ROBO2: variants seen among roughly 807,000 people sequenced by gnomAD.
The protein encoded by ROBO2 is roundabout guidance receptor 2, also known as roundabout homolog 2.
Under a neutral mutation model 160.8 loss-of-function variants are expected in ROBO2, and 53 were observed. That is an observed-to-expected ratio of 0.33 (90% CI 0.26 to 0.41). ROBO2 has a LOEUF of 0.41. ROBO2 is among the 10% of genes least tolerant of loss of function. ROBO2 has a pLI of 1.00. For missense variants in ROBO2, 1,577 were observed against 1,722.4 expected (o/e 0.92, Z 1.49); for synonymous variants, 664 against 611.7 (o/e 1.09, Z -1.26).
intron 2 of ROBO2, among the ~76,000 whole-genome samples, chr3:76,010,970 AC>A (rs1451881272): frequency 6.6e-6 from 1 of 152,122 alleles, no homozygotes; most frequent in Non-Finnish European, 1.5e-5. Flanking sequence ...AAAAGAGAAG[AC>A]CCCCAGAGCT....
At chr3:77,490,301 A>G (rs935508193) in intron 4 of ROBO2, among the ~76,000 whole-genome samples, 2 of 151,970 alleles carry the variant, frequency 1.3e-5, no homozygotes, top group Non-Finnish European at 2.9e-5. Flanking sequence ...CGTGTTAGCC[A>G]GGATGGTCTC....
chr3:76,236,388 G>A (rs192480073), intron 2 of ROBO2, among the ~76,000 whole-genome samples: 11 of 152,154 alleles, frequency 7.2e-5, no homozygotes, highest in Non-Finnish European at 1.3e-4. Flanking sequence ...GTATAAAAAT[G>A]TATCTCTAAA....
chr3:77,288,900 T>C (rs1384673576), intron 2 of ROBO2, among the ~76,000 whole-genome samples: 1 of 151,134 alleles, frequency 6.6e-6, no homozygotes, highest in Non-Finnish European at 1.5e-5. Flanking sequence ...AAAATTATCA[T>C]TGAAAGTTAG....
At chr3:77,231,543 C>T (rs1184343218) in intron 2 of ROBO2, among the ~76,000 whole-genome samples, 1 of 152,004 alleles carries the variant, frequency 6.6e-6, no homozygotes, top group Non-Finnish European at 1.5e-5. Flanking sequence ...TTTAAAACCT[C>T]ACCTCCTACT....
At chr3:77,300,062 T>G (rs926681934) in intron 2 of ROBO2, among the ~76,000 whole-genome samples, 2 of 152,194 alleles carry the variant, frequency 1.3e-5, no homozygotes, top group East Asian at 3.9e-4. Flanking sequence ...ATATATTGTA[T>G]ATGTACAACA....
chr3:76,028,210 C>A (rs989954357), intron 2 of ROBO2, among the ~76,000 whole-genome samples: 1 of 150,258 alleles, frequency 6.7e-6, no homozygotes. Flanking sequence ...AAAATACATG[C>A]TATAGAATTA....
chr3:75,948,275 TTAAAAA>T (rs1445339809), intron 2 of ROBO2, among the ~76,000 whole-genome samples: 1 of 152,034 alleles, frequency 6.6e-6, no homozygotes, highest in Non-Finnish European at 1.5e-5. Context: ...GAGATTTGAA[TTAAAAA>T]TAAGAAACTT....
At chr3:77,156,190 T>A (rs2077993329) in intron 2 of ROBO2, among the ~76,000 whole-genome samples, 1 of 151,990 alleles carries the variant, frequency 6.6e-6, no homozygotes, top group South Asian at 2.1e-4. Flanking sequence ...TCCTTTCAAA[T>A]CCAAGGCACC....
chr3:77,357,536 G>C (rs11928845), intron 2 of ROBO2, among the ~76,000 whole-genome samples: 41,521 of 152,002 alleles, frequency 0.27, 6,116 homozygotes, highest in East Asian at 0.5. Context: ...CCCAGTCTCA[G>C]GTATTCTATC....
rs1348663886 is a variant in ROBO2, at chr3:77,005,721, T to C, written c.110-92293T>C. Reference sequence around the variant, plus strand: ...GATTCCACCATGGTAGTGGATTATTTATGATTTCTGAGGAAACCCGACCCA... The same window carrying C: ...GATTCCACCATGGTAGTGGATTATTCATGATTTCTGAGGAAACCCGACCCA... On this transcript the variant is annotated intron_variant, in intron 2 of 26. Coordinates refer to the ROBO2 transcript ENST00000487694. Among the ~76,000 whole-genome samples the C allele has an allele frequency of 2.6e-5, 4 of 152,194 alleles. 1 individual carries two copies. The highest frequency in any genetic ancestry group is 5.9e-5 in the Non-Finnish European group (4 of 68,036).
chr3:76,605,320 C>A (rs1431384433), intron 2 of ROBO2, among the ~76,000 whole-genome samples: 1 of 151,950 alleles, frequency 6.6e-6, no homozygotes, highest in Non-Finnish European at 1.5e-5. Flanking sequence ...TAGAGCACAA[C>A]TCTCAAATCA....
intron 2 of ROBO2, among the ~76,000 whole-genome samples, chr3:77,278,417 T>C (rs767385363): frequency 5.3e-5 from 8 of 152,144 alleles, no homozygotes; most frequent in Non-Finnish European, 1.0e-4. Context: ...TGAGGTACAG[T>C]GTTGCTAGAA....
intron 2 of ROBO2, among the ~76,000 whole-genome samples, chr3:76,363,358 G>T (rs1158638021): frequency 6.6e-6 from 1 of 151,886 alleles, no homozygotes; most frequent in East Asian, 1.9e-4. Flanking sequence ...TGAATGAATT[G>T]GCCTCATATA....
intron 2 of ROBO2, among the ~76,000 whole-genome samples, chr3:76,423,162 T>C (rs369364069): frequency 6.6e-6 from 1 of 152,110 alleles, no homozygotes; most frequent in Non-Finnish European, 1.5e-5. Flanking sequence ...CAGTAAAAGC[T>C]TAAGGTCAGG....
chr3:77,126,714 T>C (rs184922058), intron 2 of ROBO2, among the ~76,000 whole-genome samples: 2 of 137,640 alleles, frequency 1.5e-5, no homozygotes, highest in Non-Finnish European at 3.0e-5. Flanking sequence ...ATATATATAT[T>C]TTTTTTCCTT....
chr3:76,203,619 T>C (rs1702658830), intron 2 of ROBO2, among the ~76,000 whole-genome samples: 1 of 147,728 alleles, frequency 6.8e-6, no homozygotes, highest in African/African-American at 2.5e-5. Context: ...CAGGTCACGG[T>C]TCTAGTAACC....
upstream of ROBO2, among the ~76,000 whole-genome samples, chr3:77,034,915 A>G (rs1410492758): frequency 6.6e-6 from 1 of 151,964 alleles, no homozygotes; most frequent in African/African-American, 2.4e-5. Context: ...TAAAATTAGC[A>G]AAAAGTGTAT....
In ROBO2 at chr3:76,229,020, C is replaced by G. The variant is rs552210984; in HGVS notation, c.109+291418C>G. Among the ~76,000 whole-genome samples the G allele has an allele frequency of 7.2e-5, 11 of 152,188 alleles. 1 individual carries two copies. The highest frequency in any genetic ancestry group is 2.4e-4 in the African/African-American group (10 of 41,540). ...GGCAAAAGACCGAGATCCTCTCCCTCTCTTAAAAAAGAAAAGAAATAAGAT... is the reference window on the plus strand; with the variant it reads ...GGCAAAAGACCGAGATCCTCTCCCTGTCTTAAAAAAGAAAAGAAATAAGAT... On this transcript the variant is annotated intron_variant, in intron 2 of 26. Coordinates refer to the ROBO2 transcript ENST00000487694.
chr3:77,516,385 T>C (rs146863382), intron 5 of ROBO2, among the ~76,000 whole-genome samples: 56 of 151,702 alleles, frequency 3.7e-4, no homozygotes, highest in African/African-American at 1.3e-3. Context: ...ACTAGGCAAA[T>C]ATATTTTTAT....
Sources: allele counts gnomAD v4.1 joint callset (sites outside exome capture counted in the v4.1 genomes callset), GRCh38; gene constraint gnomAD v4.1.1; transcripts MANE v1.5; gene names NCBI Gene and HGNC (gene_info 2026-07-23, HGNC 2026-07-21).